Variants in POLN observed in about 807,000 individuals in gnomAD.
The protein encoded by POLN is DNA polymerase N.
A neutral mutation model predicts 113.5 loss-of-function variants in POLN; 108 were observed. That is an observed-to-expected ratio of 0.95 (90% confidence interval 0.81 to 1.12). The LOEUF (loss-of-function observed/expected upper bound fraction) is 1.12. Among genes scored for constraint, POLN ranks in the 50% most tolerant of loss-of-function variants. POLN has a pLI of 0.00. For synonymous variants in POLN, 386 were observed against 391.5 expected, an observed-to-expected ratio of 0.99 and a Z score of 0.17; for missense variants, 1,097 against 1,077.1, an observed-to-expected ratio of 1.02 and a Z score of -0.26.
rs990976954 is a variant in POLN, at chr4:2,081,031, C to T, written c.2314G>A (p.Ala772Thr). ...QAVNFVVQGS[A>T]ADLCKLAMIH... ...ATGGCCAGCTTGCAGAGGTCAGCAGCGGAGCCTATGGGGCGCGTGGTACTG... is the reference window on the plus strand; with the variant it reads ...ATGGCCAGCTTGCAGAGGTCAGCAGTGGAGCCTATGGGGCGCGTGGTACTG... Residue 772 changes from alanine to threonine, a missense_variant, in exon 23 of 26, where the codon GCT becomes ACT. Transcript: ENST00000511885. The T allele has an allele frequency of 1.1e-5, 18 of 1,613,554 alleles. No individual in the cohort carries two copies. The highest frequency in any genetic ancestry group is 1.0e-4 in the Admixed American group (6 of 60,002).
chr4:2,096,041 A>C, intron 19 of POLN, 108 bp from the exon 20 acceptor site: 1 of 934,430 alleles, frequency 1.1e-6, no homozygotes, highest in Non-Finnish European at 1.7e-6. Flanking sequence ...GAAATTCCTT[A>C]TGCTTTCATG....
In POLN at chr4:2,093,112, T is replaced by C. The variant is rs1451799928; in HGVS notation, c.2065+2739A>G. Reference sequence around the variant, plus strand: ...TTCCTCTCCAGAAAAAAAAAAAAAGTGAATACTCCAGAAGGAGCCAAACGG... The same window carrying C: ...TTCCTCTCCAGAAAAAAAAAAAAAGCGAATACTCCAGAAGGAGCCAAACGG... On this transcript the variant is annotated intron_variant, in intron 20 of 25. Coordinates refer to ENST00000511885, the MANE Select transcript of POLN (RefSeq NM_181808.4). The surrounding 1 kb of genome is among the most constrained non-coding windows in gnomAD (Gnocchi z 4.1). 2.7e-5 allele frequency among the ~76,000 whole-genome samples: 4 copies of C among 147,686 alleles called. No individual in the cohort carries two copies. Among genetic ancestry groups the C allele is most frequent in the Non-Finnish European group, 3.0e-5 (2 of 67,126 alleles).
chr4:2,196,638 GAAA>G (rs200934370), intron 6 of POLN, among the ~76,000 whole-genome samples: 1 of 117,648 alleles, frequency 8.5e-6, no homozygotes, highest in African/African-American at 3.1e-5. Context: ...TGTGGCTCTG[GAAA>G]AAAAAAAAAA....
chr4:2,080,611 T>C (rs1730385293), intron 23 of POLN: 1 of 1,208,308 alleles, frequency 8.3e-7, no homozygotes, highest in Non-Finnish European at 1.0e-6. Flanking sequence ...CAGTTTGGAG[T>C]CCCCAGGGTC....
At chr4:2,129,769 C>T (rs907434590) in intron 17 of POLN, among the ~76,000 whole-genome samples, 1 of 151,994 alleles carries the variant, frequency 6.6e-6, no homozygotes, top group African/African-American at 2.4e-5. Context: ...TCTGTTCTGT[C>T]TAGAATTCTT....
At chr4:2,165,183 T>C (rs1355946332) in intron 13 of POLN, among the ~76,000 whole-genome samples, 1 of 152,214 alleles carries the variant, frequency 6.6e-6, no homozygotes, top group South Asian at 2.1e-4. Flanking sequence ...ACCAAGATGT[T>C]CTTCGTAGGT....
intron 19 of POLN, among the ~76,000 whole-genome samples, chr4:2,113,688 T>C (rs1731251693): frequency 6.6e-6 from 1 of 151,198 alleles, no homozygotes; most frequent in African/African-American, 2.4e-5. Flanking sequence ...AGAAACCCCA[T>C]CTCTACTAAA....
chr4:2,169,578 C>G (rs1461689936), intron 13 of POLN, among the ~76,000 whole-genome samples: 1 of 152,208 alleles, frequency 6.6e-6, no homozygotes, highest in Non-Finnish European at 1.5e-5. Context: ...TGGACACACA[C>G]ACACGCACAC....
chr4:2,185,316 A>G (rs12639649), intron 7 of POLN, among the ~76,000 whole-genome samples: 37,519 of 152,196 alleles, frequency 0.25, 7,140 homozygotes, highest in African/African-American at 0.51. Context: ...ATGAGAAGAA[A>G]GAGATGTGCT....
intron 2 of POLN, chr4:2,234,290 A>C (rs1333391753): frequency 6.6e-6 from 1 of 152,324 alleles, no homozygotes; most frequent in Non-Finnish European, 1.5e-5. Flanking sequence ...GAACTACAGG[A>C]CTGTCCCATT....
Position 2,079,897 on chromosome 4 carries a change from T to G in POLN, c.2387+1061A>C, listed in dbSNP as rs574037763. ...ACTGTGCCCAGCCGAGAGTGAATCT[T>G]CTAATGCCCCACTCCTGCCTTCTGA... On this transcript the variant is annotated intron_variant, in intron 23 of 25. Transcript: ENST00000511885. 1.3e-3 allele frequency: 1,323 copies of G among 985,632 alleles called. 1 individual carries two copies. The highest frequency in any genetic ancestry group is 1.5e-3 in the Non-Finnish European group (1,276 of 830,106). The allele number at this position is 985,632 out of a possible 1,614,324, so 61.1% of individuals were successfully genotyped here.
At chr4:2,087,727 T>C (rs923581958) in intron 20 of POLN, among the ~76,000 whole-genome samples, 1 of 152,240 alleles carries the variant, frequency 6.6e-6, no homozygotes. Context: ...TTGAGTATGG[T>C]TAAGCTATTC....
intron 19 of POLN, among the ~76,000 whole-genome samples, chr4:2,121,444 A>T (rs34179235): frequency 4.1e-4 from 32 of 77,544 alleles, no homozygotes; most frequent in East Asian, 9.9e-4. Context: ...CAAAAAAAAA[A>T]AAAAAAAAAT....
chr4:2,228,995 C>A, intron 3 of POLN, 104 bp downstream of exon 3: 1 of 1,159,182 alleles, frequency 8.6e-7, no homozygotes, highest in Non-Finnish European at 1.2e-6. Context: ...GGGGCGGGAG[C>A]TGGGCTTCAT....
chr4:2,119,864 C>T (rs1731401815), intron 19 of POLN, among the ~76,000 whole-genome samples: 1 of 152,030 alleles, frequency 6.6e-6, no homozygotes, highest in African/African-American at 2.4e-5. Flanking sequence ...GAAGTAACCA[C>T]CATGCAAATA....
At chr4:2,136,779 TG>T (rs1731868486) in intron 16 of POLN, among the ~76,000 whole-genome samples, 1 of 152,200 alleles carries the variant, frequency 6.6e-6, no homozygotes, top group Non-Finnish European at 1.5e-5. Context: ...AAGCTCCAGA[TG>T]GAAGGTGCCA....
chr4:2,176,339 A>C lies in POLN; in HGVS notation c.1180-5T>G, dbSNP rs1463162925. 6.3e-7 allele frequency: 1 copy of C among 1,579,408 alleles called. No individual in the cohort carries two copies. Among genetic ancestry groups the C allele is most frequent in the Admixed American group, 1.9e-5 (1 of 52,808 alleles). ...GTTCTCACGTACATTCTGATTCTTTAAAAGAGCAAAAGTATTTTTAAAAAT... is the reference window on the plus strand; with the variant it reads ...GTTCTCACGTACATTCTGATTCTTTCAAAGAGCAAAAGTATTTTTAAAAAT... On this transcript the variant is annotated splice_polypyrimidine_tract_variant and splice_region_variant and intron_variant, in intron 8 of 25. Coordinates refer to ENST00000511885, the MANE Select transcript of POLN (RefSeq NM_181808.4).
rs764528346 is a variant in POLN, at chr4:2,242,089, C to A, written c.-322G>T. The A allele has an allele frequency of 1.2e-5, 12 of 985,914 alleles. No individual in the cohort carries two copies. Among genetic ancestry groups the A allele is most frequent in the Non-Finnish European group, 1.3e-5 (11 of 830,288 alleles). 61.1% of individuals were successfully genotyped at this position (985,914 alleles called of 1,614,324 possible). A position where few individuals can be genotyped will look rare whatever the true frequency, so the allele number is the denominator to read the frequency against. On this transcript the variant is annotated 5_prime_UTR_variant, in exon 1 of 26. Coordinates refer to ENST00000511885, the MANE Select transcript of POLN (RefSeq NM_181808.4). ...GCTTGCTTCTCGCAGGAGCCCGCCGCCACCGCCCTCCGTGCCCCGCGCGCC... is the reference window on the plus strand; with the variant it reads ...GCTTGCTTCTCGCAGGAGCCCGCCGACACCGCCCTCCGTGCCCCGCGCGCC...
At position 2,170,773 on chromosome 4, in the gene POLN, A is replaced by C. The variant is rs1229368104; in HGVS notation, c.1460T>G (p.Ile487Ser). ...LITSNNQLRE[I>S]LFGKLKLHLL... is the part of the protein sequence containing the mutation. ...GTGCAGCTTTAACTTGCCAAAGAGG[A>C]TCTTCAACAAAACAAATTAAACATG... Residue 487 changes from isoleucine to serine, a missense_variant and splice_region_variant, in exon 13 of 26, where the codon ATC becomes AGC. Coordinates refer to ENST00000511885, the MANE Select transcript of POLN (RefSeq NM_181808.4). 8 of 1,613,086 alleles carry C rather than the reference A, an allele frequency of 5.0e-6. No homozygotes were observed. The highest frequency in any genetic ancestry group is 6.8e-6 in the Non-Finnish European group (8 of 1,179,032).
Sources: allele counts gnomAD v4.1 joint callset (sites outside exome capture counted in the v4.1 genomes callset), GRCh38; gene constraint gnomAD v4.1.1; non-coding constraint Gnocchi (gnomAD v3.1); transcripts MANE v1.5; gene names NCBI Gene and HGNC (gene_info 2026-07-23, HGNC 2026-07-21).